The following ME1 variants were observed in gnomAD, a reference collection of about 807,000 sequenced individuals.
ME1 encodes malic enzyme 1, also known as NADP-dependent malic enzyme.
Under a neutral mutation model 66.4 loss-of-function variants are expected in ME1, and 74 were observed. That is an observed-to-expected ratio of 1.11 (90% confidence interval 0.92 to 1.35). The LOEUF is 1.35. Among genes scored for constraint, ME1 ranks in the 40% most tolerant of loss-of-function variants. The probability of loss-of-function intolerance (pLI) is 0.00; values close to 1 mark genes in which losing one functional copy is unlikely to be tolerated. For missense variants in ME1, 750 were observed against 694.1 expected, an observed-to-expected ratio of 1.08 and a Z score of -0.90; for synonymous variants, 251 against 235.6, an observed-to-expected ratio of 1.07 and a Z score of -0.60.
intron 1 of ME1, among the ~76,000 whole-genome samples, chr6:83,415,577 T>C (rs1354304063): frequency 6.6e-6 from 1 of 152,174 alleles, no homozygotes; most frequent in South Asian, 2.1e-4. Flanking sequence ...TTCTGTGTAG[T>C]TCTATTTTGA....
intron 5 of ME1, among the ~76,000 whole-genome samples, chr6:83,334,646 G>C (rs1768491714): frequency 2.8e-5 from 1 of 35,772 alleles, no homozygotes; most frequent in Admixed American, 3.9e-4. Context: ...CTCCTCAAGT[G>C]GGTCCCTGAC....
chr6:83,279,373 T>C (rs1767247985), intron 6 of ME1, among the ~76,000 whole-genome samples: 1 of 152,212 alleles, frequency 6.6e-6, no homozygotes, highest in African/African-American at 2.4e-5. Flanking sequence ...GTGGAAATTT[T>C]GGAATAAACA....
chr6:83,227,661 C>T (rs1162353266), intron 10 of ME1, among the ~76,000 whole-genome samples, 184 bp from the exon 11 acceptor site: 1 of 152,130 alleles, frequency 6.6e-6, no homozygotes, highest in Non-Finnish European at 1.5e-5. Context: ...TGCCAACAAT[C>T]CTTACAATCC....
intron 5 of ME1, among the ~76,000 whole-genome samples, chr6:83,318,175 A>C (rs1239075869): frequency 2.8e-5 from 4 of 143,428 alleles, no homozygotes; most frequent in African/African-American, 1.0e-4. Flanking sequence ...AGACTTAAAC[A>C]TTAGACCTAA....
chr6:83,316,080 T>C (rs1314266992), intron 5 of ME1, among the ~76,000 whole-genome samples: 1 of 152,160 alleles, frequency 6.6e-6, no homozygotes, highest in Non-Finnish European at 1.5e-5. Flanking sequence ...TTTGAAATAT[T>C]AGCTTAAGGA....
At chr6:83,320,706 C>T (rs139869661) in intron 5 of ME1, among the ~76,000 whole-genome samples, 5 of 152,296 alleles carry the variant, frequency 3.3e-5, no homozygotes, top group East Asian at 1.9e-4. Flanking sequence ...AAAAATGCTA[C>T]GTTTCCCCTT....
intron 11 of ME1, 24 bp from the exon 12 acceptor site, chr6:83,223,957 C>A (rs1299789408): frequency 1.2e-6 from 2 of 1,602,830 alleles, no homozygotes; most frequent in Admixed American, 1.7e-5. Context: ...ACATACAACT[C>A]ACTTTAAAAA....
intron 7 of ME1, among the ~76,000 whole-genome samples, chr6:83,243,303 T>C (rs776832322): frequency 7.0e-6 from 1 of 142,528 alleles, no homozygotes; most frequent in Non-Finnish European, 1.5e-5. Flanking sequence ...TTATATATAA[T>C]ATACAATTAT....
chr6:83,404,733 A>C (rs538161875), intron 2 of ME1, among the ~76,000 whole-genome samples: 28 of 152,344 alleles, frequency 1.8e-4, no homozygotes, highest in Non-Finnish European at 3.4e-4. Context: ...ATGACTAGCC[A>C]GTTTTCCCAA....
intron 9 of ME1, among the ~76,000 whole-genome samples, chr6:83,231,723 T>C (rs1485888968): frequency 3.3e-5 from 5 of 152,208 alleles, no homozygotes; most frequent in African/African-American, 1.2e-4. Flanking sequence ...AGATGTCTTT[T>C]CCCTTCATTC....
rs572437372 is a variant in ME1, at chr6:83,346,113, T to C, written c.600+60A>G. 7.5e-5 allele frequency: 97 copies of C among 1,299,260 alleles called. 2 individuals are homozygous for C. In the African/African-American group the frequency reaches 1.3e-3, roughly 18 times the overall value. The allele number at this position is 1,299,260 out of a possible 1,614,324, so 80.5% of individuals were successfully genotyped here. On this transcript the variant is annotated intron_variant, in intron 5 of 13. Coordinates refer to ENST00000369705, the MANE Select transcript of ME1 (RefSeq NM_002395.6). The stretch of plus-strand genomic sequence containing the variant: ...ATGAGTTCCTGGAATAAGTTCAAAA[T>C]GCAAGAATTGATGCCATTTTTAAAG...
chr6:83,286,326 G>C (rs1018074175), intron 6 of ME1, among the ~76,000 whole-genome samples: 6 of 152,142 alleles, frequency 3.9e-5, no homozygotes, highest in African/African-American at 1.4e-4. Context: ...AAATGTACTA[G>C]CTGTGACTCG....
intron 5 of ME1, among the ~76,000 whole-genome samples, chr6:83,316,552 C>T (rs552839622): frequency 1.2e-4 from 18 of 151,814 alleles, no homozygotes; most frequent in Non-Finnish European, 2.4e-4. Flanking sequence ...CTACTCTACA[C>T]TATACTGGAG....
chr6:83,411,603 A>G (rs1350484465), intron 1 of ME1, among the ~76,000 whole-genome samples: 1 of 152,216 alleles, frequency 6.6e-6, no homozygotes, highest in Non-Finnish European at 1.5e-5. Context: ...GTAAAGTTTG[A>G]AGTAAAATAG....
chr6:83,228,974 T>C (rs1440741446), intron 9 of ME1, 43 bp from the exon 10 acceptor site: 5 of 1,312,822 alleles, frequency 3.8e-6, no homozygotes, highest in South Asian at 3.8e-5. Flanking sequence ...CTGCCAAACA[T>C]GTGAGGGTCA....
In ME1 at chr6:83,213,474, G is replaced by A. The variant is rs112223535; in HGVS notation, c.1549-1380C>T. On this transcript the variant is annotated intron_variant, in intron 13 of 13. Transcript: ENST00000369705. ...AAACAACAACAACAAAAAAACAAGC[G>A]ATTCTCCTGCCTCAGCCTCCCAAGG... Among the ~76,000 whole-genome samples, 706 of 151,892 alleles carry A rather than the reference G, an allele frequency of 4.6e-3. 7 individuals carry two copies. The highest frequency in any genetic ancestry group is 0.016 in the African/African-American group (655 of 41,464).
chr6:83,219,833 C>T, intron 12 of ME1, among the ~76,000 whole-genome samples: 1 of 151,278 alleles, frequency 6.6e-6, no homozygotes, highest in East Asian at 1.9e-4. Flanking sequence ...AGCGATCCAC[C>T]TACCTCAGCT....
chr6:83,257,347 G>A (rs1766792351), intron 6 of ME1, among the ~76,000 whole-genome samples: 1 of 151,924 alleles, frequency 6.6e-6, no homozygotes, highest in African/African-American at 2.4e-5. Context: ...ATAGTAAAAT[G>A]TAGGGAAATA....
At chr6:83,386,508 T>C (rs1015165206) in intron 3 of ME1, among the ~76,000 whole-genome samples, 2 of 151,772 alleles carry the variant, frequency 1.3e-5, no homozygotes, top group African/African-American at 4.9e-5. Context: ...TCTCACCCCT[T>C]CCCAGAAACT....
Sources: gnomAD v4.1 joint callset for allele counts (sites outside exome capture counted in the v4.1 genomes callset) on GRCh38, gnomAD v4.1.1 for gene constraint, MANE v1.5 for transcripts, NCBI Gene and HGNC (gene_info 2026-07-23, HGNC 2026-07-21) for gene names.